The following PTPRN2 variants were observed in gnomAD, a reference collection of about 807,000 sequenced individuals.
PTPRN2 encodes the protein protein tyrosine phosphatase receptor type N2.
In PTPRN2, 74 loss-of-function variants were observed where a neutral mutation model predicts 118.8. The observed-to-expected ratio is 0.62, with a 90% confidence interval of 0.52 to 0.76. The LOEUF is 0.76. PTPRN2 is among the 30% of genes least tolerant of loss of function. The probability of loss-of-function intolerance (pLI) is 0.00; values close to 1 mark genes in which losing one functional copy is unlikely to be tolerated. For synonymous variants in PTPRN2, 641 were observed against 608.0 expected, an observed-to-expected ratio of 1.05 and a Z score of -0.80; for missense variants, 1,481 against 1,394.4, an observed-to-expected ratio of 1.06 and a Z score of -0.99.
intron 9 of PTPRN2, among the ~76,000 whole-genome samples, chr7:158,130,486 T>A (rs556796593): frequency 1.4e-5 from 2 of 146,912 alleles, no homozygotes; most frequent in South Asian, 4.4e-4. Flanking sequence ...CATGCACATA[T>A]GCACAAACTT....
At chr7:158,536,175 G>A (rs1825630723) in intron 1 of PTPRN2, among the ~76,000 whole-genome samples, 1 of 151,940 alleles carries the variant, frequency 6.6e-6, no homozygotes, top group African/African-American at 2.4e-5. Context: ...CTAAAATAAA[G>A]AAGGTCTGAA....
rs1811640880 is a variant in PTPRN2, at chr7:158,071,483, C to CGTG, written c.1723+9814_1723+9815insCAC. Among the ~76,000 whole-genome samples the CGTG allele has an allele frequency of 3.9e-5, 4 of 103,804 alleles. 1 individual carries two copies. Among genetic ancestry groups the CGTG allele is most frequent in the African/African-American group, 1.5e-4 (3 of 19,422 alleles). 68.1% of individuals were successfully genotyped at this position (103,804 alleles called of 152,430 possible). A position where few individuals can be genotyped will look rare whatever the true frequency, so the allele number is the denominator to read the frequency against. ...AGGTGCTCGTGGTGGTGGAGGTTCT[C>CGTG]ATGGTGCAGGTGCTCCTGGTGGAGA... On this transcript the variant is annotated intron_variant, in intron 11 of 22. Transcript: ENST00000389418.
At chr7:157,873,923 G>T (rs530548375) in intron 12 of PTPRN2, among the ~76,000 whole-genome samples, 1 of 152,116 alleles carries the variant, frequency 6.6e-6, no homozygotes, top group Non-Finnish European at 1.5e-5. Flanking sequence ...AGGGCCGTCC[G>T]GGGAAAGTTG....
chr7:157,849,475 G>A (rs1584862375), intron 12 of PTPRN2, among the ~76,000 whole-genome samples: 2 of 152,294 alleles, frequency 1.3e-5, no homozygotes, highest in East Asian at 1.9e-4. Flanking sequence ...TACCCTTCCC[G>A]AGATGCTGCT....
At position 158,022,736 on chromosome 7, in the gene PTPRN2, C is replaced by T. The variant is rs778068737; in HGVS notation, c.1723+58562G>A. ...ATGCAGCAAAGCATCAGGCTGCCCA[C>T]GCCAGAAGGCTTTCCCCCACGGAGG... On this transcript the variant is annotated intron_variant, in intron 11 of 22. Coordinates refer to ENST00000389418, the MANE Select transcript of PTPRN2 (RefSeq NM_002847.5). This position sits in a 1 kb window ranked among gnomAD's most constrained non-coding sequence, Gnocchi z 4.6. Among the ~76,000 whole-genome samples, 5 of 152,282 alleles carry T rather than the reference C, an allele frequency of 3.3e-5. No homozygotes were observed. The highest frequency in any genetic ancestry group is 7.2e-5 in the African/African-American group (3 of 41,484).
intron 21 of PTPRN2, among the ~76,000 whole-genome samples, chr7:157,567,908 G>A (rs1799568413): frequency 6.6e-6 from 1 of 152,144 alleles, no homozygotes; most frequent in Non-Finnish European, 1.5e-5. Context: ...TGGACTCCTT[G>A]GGACCTCTCC....
chr7:157,656,579 G>C (rs1210216038), intron 13 of PTPRN2, 28 bp from the exon 14 acceptor site: 2 of 1,503,566 alleles, frequency 1.3e-6, no homozygotes. Context: ...GAAGAGCAGG[G>C]GGTTAGTGGC....
At position 158,509,762 on chromosome 7, in the gene PTPRN2, G is replaced by A. The variant is rs1374544502; in HGVS notation, c.113-19977C>T. 6.6e-6 allele frequency among the ~76,000 whole-genome samples: 1 copy of A among 152,214 alleles called. No individual in the cohort carries two copies. The highest frequency in any genetic ancestry group is 6.5e-5 in the Admixed American group (1 of 15,286). On this transcript the variant is annotated intron_variant, in intron 1 of 22. Coordinates refer to ENST00000389418, the MANE Select transcript of PTPRN2 (RefSeq NM_002847.5). The surrounding 1 kb of genome is among the most constrained non-coding windows in gnomAD (Gnocchi z 4.4). ...CCTTTGCCCAGGCCTGAGGCCACAC[G>A]GGCAGAGTGGCAGTGGAGGGCTGGC...
intron 12 of PTPRN2, among the ~76,000 whole-genome samples, chr7:157,758,459 G>A (rs573074924): frequency 1.4e-4 from 22 of 152,332 alleles, no homozygotes; most frequent in East Asian, 3.9e-4. Flanking sequence ...GCTGGGACGC[G>A]GGCCCCAGAC....
In PTPRN2 at chr7:158,529,885, CCA is replaced by C. The variant is rs370191137; in HGVS notation, c.113-40102_113-40101del. Among the ~76,000 whole-genome samples the C allele has an allele frequency of 4.8e-4, 73 of 152,190 alleles. 1 individual carries two copies. Among genetic ancestry groups the C allele is most frequent in the African/African-American group, 1.7e-3 (70 of 41,540 alleles). On this transcript the variant is annotated intron_variant, in intron 1 of 22. Coordinates refer to ENST00000389418, the MANE Select transcript of PTPRN2 (RefSeq NM_002847.5). This position sits in a 1 kb window ranked among gnomAD's most constrained non-coding sequence, Gnocchi z 4.7. ...ATGCCACACACCACACATATGCACA[CCA>C]CACACGTGCCACACACAGCACACAT... is the stretch of plus-strand genomic sequence containing the variant.
Position 158,151,170 on chromosome 7 carries a change from G to A in PTPRN2, c.911-12655C>T, listed in dbSNP as rs35152836. Among the ~76,000 whole-genome samples the A allele has an allele frequency of 5.5e-3, 76 of 13,934 alleles. 6 individuals are homozygous for A. Among genetic ancestry groups the A allele is most frequent in the East Asian group, 0.021 (6 of 280 alleles). 9.1% of individuals were successfully genotyped at this position (13,934 alleles called of 152,430 possible). A position where few individuals can be genotyped will look rare whatever the true frequency, so the allele number is the denominator to read the frequency against. On this transcript the variant is annotated intron_variant, in intron 6 of 22. Coordinates refer to ENST00000389418, the MANE Select transcript of PTPRN2 (RefSeq NM_002847.5). ...CTGCCTCTCCCTGCCCACACCGCCC[G>A]CCTTTCTGCTCCTGCCTCTCCCTGC...
At chr7:158,134,106 G>A (rs762989876) in intron 8 of PTPRN2, 47 bp from the exon 9 acceptor site, 50 of 1,574,520 alleles carry the variant, frequency 3.2e-5, no homozygotes, top group Non-Finnish European at 4.3e-5. Context: ...AAGGAATGCT[G>A]ATGTGACACA....
chr7:157,752,372 G>A (rs1206183523), intron 12 of PTPRN2, among the ~76,000 whole-genome samples: 1 of 152,218 alleles, frequency 6.6e-6, no homozygotes, highest in African/African-American at 2.4e-5. Flanking sequence ...AGAGGGGGCA[G>A]GCTTCAGGAT....
At chr7:158,329,306 C>T (rs767373584) in intron 2 of PTPRN2, among the ~76,000 whole-genome samples, 27 of 152,196 alleles carry the variant, frequency 1.8e-4, no homozygotes, top group Non-Finnish European at 7.4e-5. Context: ...GCCTCCCTCA[C>T]GGAGCACCAG....
intron 12 of PTPRN2, among the ~76,000 whole-genome samples, chr7:157,789,774 T>C (rs572107163): frequency 1.7e-3 from 248 of 147,772 alleles, no homozygotes; most frequent in African/African-American, 5.8e-3. Context: ...GTGTGGTGTG[T>C]GTGTATATGG....
chr7:157,847,021 C>A (rs997066303), intron 12 of PTPRN2, among the ~76,000 whole-genome samples: 1 of 150,932 alleles, frequency 6.6e-6, no homozygotes, highest in Non-Finnish European at 1.5e-5. Flanking sequence ...CCCTCCCTCA[C>A]TACATCATGT....
rs189598118 is a variant in PTPRN2 at position 157,667,275 on chromosome 7, G to A, written c.2002-10724C>T. Among the ~76,000 whole-genome samples the A allele has an allele frequency of 1.6e-3, 116 of 74,068 alleles. 3 individuals carry two copies. The highest frequency in any genetic ancestry group is 4.7e-3 in the African/African-American group (88 of 18,578). 48.6% of individuals were successfully genotyped at this position (74,068 alleles called of 152,430 possible). ...AGTACACAGCCTGGCTTGCACACTC[G>A]GCCCGTGGGACACTGATCTCAGGTG... On this transcript the variant is annotated intron_variant, in intron 13 of 22. Coordinates refer to ENST00000389418, the MANE Select transcript of PTPRN2 (RefSeq NM_002847.5).
intron 9 of PTPRN2, among the ~76,000 whole-genome samples, chr7:158,132,674 CAGAT>C (rs1166943749): frequency 6.6e-6 from 1 of 151,942 alleles, no homozygotes; most frequent in Admixed American, 6.6e-5. Flanking sequence ...CATATACACA[CAGAT>C]ACACACACAT....
At chr7:158,342,411 A>C (rs1395772487) in intron 2 of PTPRN2, among the ~76,000 whole-genome samples, 93 of 131,856 alleles carry the variant, frequency 7.1e-4, no homozygotes, top group Middle Eastern at 3.9e-3. Context: ...TCACACCCAC[A>C]CTCTCACCAT....
Sources: allele counts gnomAD v4.1 joint callset (sites outside exome capture counted in the v4.1 genomes callset), GRCh38; gene constraint gnomAD v4.1.1; non-coding constraint Gnocchi (gnomAD v3.1); transcripts MANE v1.5; gene names NCBI Gene and HGNC (gene_info 2026-07-23, HGNC 2026-07-21).